NRG3: variants seen among roughly 807,000 people sequenced by gnomAD.
The protein encoded by NRG3 is neuregulin 3, also known as pro-neuregulin-3, membrane-bound isoform.
NRG3 carries 31 observed loss-of-function variants against 66.9 expected under a neutral mutation model. That is an observed-to-expected ratio of 0.46 (90% CI 0.35 to 0.63). NRG3 has a LOEUF of 0.63. Ranked by LOEUF, NRG3 falls within the 20% of genes least tolerant of loss-of-function variation. NRG3 has a pLI of 0.00. For synonymous variants in NRG3, 393 were observed against 359.4 expected, an observed-to-expected ratio of 1.09 and a Z score of -1.06; for missense variants, 910 against 878.9, an observed-to-expected ratio of 1.04 and a Z score of -0.45.
intron 4 of NRG3, among the ~76,000 whole-genome samples, chr10:82,886,519 T>A (rs541762791): frequency 2.0e-5 from 3 of 152,220 alleles, no homozygotes; most frequent in Non-Finnish European, 4.4e-5. Context: ...TCCGACTGAC[T>A]TTGTGAATTA....
At chr10:82,220,830 CA>C (rs1355802423) in intron 1 of NRG3, among the ~76,000 whole-genome samples, 3 of 151,960 alleles carry the variant, frequency 2.0e-5, no homozygotes, top group East Asian at 3.9e-4. Flanking sequence ...CCTATCTCTA[CA>C]AAAAAATATT....
intron 2 of NRG3, among the ~76,000 whole-genome samples, chr10:82,412,911 C>T (rs909535993): frequency 6.6e-6 from 1 of 152,144 alleles, no homozygotes; most frequent in Non-Finnish European, 1.5e-5. Flanking sequence ...CATGAGATTG[C>T]AGCAATTCAA....
At chr10:82,226,653 A>T (rs2076177220) in intron 1 of NRG3, among the ~76,000 whole-genome samples, 1 of 152,170 alleles carries the variant, frequency 6.6e-6, no homozygotes, top group South Asian at 2.1e-4. Flanking sequence ...GGCATTGTGC[A>T]TGCTATATGT....
chr10:82,259,642 A>G (rs1303661618), intron 1 of NRG3, among the ~76,000 whole-genome samples: 1 of 152,198 alleles, frequency 6.6e-6, no homozygotes, highest in East Asian at 1.9e-4. Context: ...GTAACAATGA[A>G]TTAGGCTGGG....
chr10:82,268,775 G>A (rs1484235551), intron 1 of NRG3, among the ~76,000 whole-genome samples: 1 of 152,002 alleles, frequency 6.6e-6, no homozygotes, highest in African/African-American at 2.4e-5. Flanking sequence ...GTGTTTCTCT[G>A]GGGGATGGGG....
At chr10:82,935,318 TC>T (rs1446501248) in intron 4 of NRG3, among the ~76,000 whole-genome samples, 19 of 152,220 alleles carry the variant, frequency 1.2e-4, no homozygotes, top group Admixed American at 1.2e-3. Flanking sequence ...ATTTCTTCTT[TC>T]TTTCTTTGTT....
chr10:82,339,387 G>A (rs72827360), intron 1 of NRG3, among the ~76,000 whole-genome samples: 22,289 of 152,084 alleles, frequency 0.15, 1,761 homozygotes, highest in East Asian at 0.28. Flanking sequence ...AATCACGGCG[G>A]AAGGCACCTC....
chr10:82,746,395 C>A (rs1156871197), intron 3 of NRG3, among the ~76,000 whole-genome samples: 1 of 152,152 alleles, frequency 6.6e-6, no homozygotes, highest in African/African-American at 2.4e-5. Flanking sequence ...TCCCAGGGGG[C>A]CTGTTCAGCA....
chr10:82,049,885 T>C (rs2063508615), intron 1 of NRG3, among the ~76,000 whole-genome samples: 3 of 152,076 alleles, frequency 2.0e-5, no homozygotes, highest in Non-Finnish European at 4.4e-5. Context: ...ATCTCAATAA[T>C]CATAGCCCCT....
chr10:82,578,407 T>C (rs914315720), intron 2 of NRG3, among the ~76,000 whole-genome samples: 4 of 150,462 alleles, frequency 2.7e-5, no homozygotes, highest in Non-Finnish European at 5.9e-5. Context: ...AGCTATATGG[T>C]TTCTGTGCGG....
chr10:82,489,007 A>G (rs1842897751), intron 2 of NRG3, among the ~76,000 whole-genome samples: 1 of 152,166 alleles, frequency 6.6e-6, no homozygotes, highest in African/African-American at 2.4e-5. Context: ...CATGACTACT[A>G]TTTATGCATA....
intron 2 of NRG3, among the ~76,000 whole-genome samples, chr10:82,624,915 ATT>A (rs2049308581): frequency 6.8e-6 from 1 of 146,212 alleles, no homozygotes; most frequent in East Asian, 2.0e-4. Context: ...ATATATATAT[ATT>A]TTATATATAT....
chr10:82,126,011 T>C (rs1430914258), intron 1 of NRG3, among the ~76,000 whole-genome samples: 3 of 152,046 alleles, frequency 2.0e-5, no homozygotes, highest in Non-Finnish European at 4.4e-5. Context: ...ATGAAATTTA[T>C]TTTACAAACA....
intron 1 of NRG3, among the ~76,000 whole-genome samples, chr10:82,244,630 T>TTTA (rs1242316206): frequency 6.6e-6 from 1 of 152,010 alleles, no homozygotes; most frequent in East Asian, 1.9e-4. Context: ...TCCACAACCA[T>TTTA]TTTGGCACCA....
Position 82,892,665 on chromosome 10 carries a change from C to CAATAAATA in NRG3, c.1054+27263_1054+27270dup, listed in dbSNP as rs369613241. Among the ~76,000 whole-genome samples the CAATAAATA allele has an allele frequency of 6.6e-3, 967 of 146,600 alleles. 6 individuals are homozygous for CAATAAATA. Among genetic ancestry groups the CAATAAATA allele is most frequent in the African/African-American group, 0.016 (616 of 39,388 alleles). On this transcript the variant is annotated intron_variant, in intron 4 of 8. Coordinates refer to ENST00000372141, the MANE Select transcript of NRG3 (RefSeq NM_001010848.4). ...TGGATGATAGAGTGATAACCTGTCT[C>CAATAAATA]AATAAATAAATAAATAAATAAATAA...
At chr10:82,867,432 G>A (rs1353221499) in intron 4 of NRG3, among the ~76,000 whole-genome samples, 1 of 152,148 alleles carries the variant, frequency 6.6e-6, no homozygotes, top group Non-Finnish European at 1.5e-5. Context: ...AAAGAGGCTG[G>A]GAAATGGAAC....
At chr10:82,144,065 AAAAG>A (rs1292578190) in intron 1 of NRG3, among the ~76,000 whole-genome samples, 2 of 151,796 alleles carry the variant, frequency 1.3e-5, no homozygotes, top group Non-Finnish European at 1.5e-5. Flanking sequence ...AAAAAGAAAA[AAAAG>A]AAAGGGCATT....
At position 82,805,377 on chromosome 10, in the gene NRG3, A is replaced by G. The variant is rs1432317452; in HGVS notation, c.1028-60034A>G. Among the ~76,000 whole-genome samples, 5 of 152,204 alleles carry G rather than the reference A, an allele frequency of 3.3e-5. No individual in the cohort carries two copies. The South Asian group carries it at 8.3e-4, about 25-fold the overall frequency. ...TTAAACGTGAATGCACTTAGAGTAA[A>G]ACCACTCACTGCTCCTCAAATAATT... is the stretch of plus-strand genomic sequence containing the variant. On this transcript the variant is annotated intron_variant, in intron 3 of 8. Transcript: ENST00000372141.
intron 2 of NRG3, among the ~76,000 whole-genome samples, chr10:82,601,514 A>G (rs1267369867): frequency 6.6e-6 from 1 of 152,142 alleles, no homozygotes; most frequent in African/African-American, 2.4e-5. Flanking sequence ...TCATGCTTTT[A>G]ATGTATTTTT....
Sources: allele counts gnomAD v4.1 joint callset (sites outside exome capture counted in the v4.1 genomes callset), GRCh38; gene constraint gnomAD v4.1.1; transcripts MANE v1.5; gene names NCBI Gene and HGNC (gene_info 2026-07-23, HGNC 2026-07-21).